OTUD7A: variants seen among roughly 807,000 people sequenced by gnomAD.
OTUD7A encodes the protein OTU domain-containing protein 7A.
In OTUD7A, 12 loss-of-function variants were observed where a neutral mutation model predicts 65.7. That is an observed-to-expected ratio of 0.18 (90% CI 0.12 to 0.30). OTUD7A has a LOEUF of 0.30. OTUD7A is among the 10% of genes least tolerant of loss of function. The pLI is 1.00. For synonymous variants in OTUD7A, 641 were observed against 586.3 expected (o/e 1.09, Z -1.35); for missense variants, 1,148 against 1,304.8 (o/e 0.88, Z 1.85).
intron 1 of OTUD7A, among the ~76,000 whole-genome samples, chr15:31,760,197 T>C (rs898177161): frequency 5.3e-5 from 8 of 152,178 alleles, no homozygotes; most frequent in Admixed American, 3.3e-4. Context: ...TCATCCTTCA[T>C]CCTTCTCTCA....
Position 31,792,403 on chromosome 15 carries a change from A to T in OTUD7A, c.-100+78104T>A, listed in dbSNP as rs546467490. Reference sequence around the variant, plus strand: ...CATACTCCATGGCCAGGCTCACAGGACCTCCACCTGCTCCAGTCCTGCCGC... The same window carrying T: ...CATACTCCATGGCCAGGCTCACAGGTCCTCCACCTGCTCCAGTCCTGCCGC... On this transcript the variant is annotated intron_variant, in intron 1 of 12. Coordinates refer to ENST00000307050, the MANE Select transcript of OTUD7A (RefSeq NM_001382637.1). Among the ~76,000 whole-genome samples, 12 of 151,914 alleles carry T rather than the reference A, an allele frequency of 7.9e-5. 1 individual carries two copies. In the South Asian group the frequency reaches 1.9e-3, roughly 24 times the overall value.
chr15:31,551,040 G>A (rs1888306127), intron 5 of OTUD7A, among the ~76,000 whole-genome samples: 1 of 152,188 alleles, frequency 6.6e-6, no homozygotes, highest in Non-Finnish European at 1.5e-5. Context: ...CAGCCTGCTA[G>A]AGCAGCTGTG....
intron 1 of OTUD7A, among the ~76,000 whole-genome samples, chr15:31,809,818 A>C (rs990070300): frequency 4.6e-5 from 7 of 152,240 alleles, no homozygotes; most frequent in African/African-American, 1.7e-4. Flanking sequence ...TAAATAATAC[A>C]CAAACAAAAG....
intron 3 of OTUD7A, among the ~76,000 whole-genome samples, chr15:31,608,248 GA>G (rs200216223): frequency 4.0e-5 from 6 of 148,718 alleles, no homozygotes; most frequent in South Asian, 2.1e-4. Flanking sequence ...TCTCAAAGAA[GA>G]AAAAAAAAGA....
At chr15:31,729,129 A>C (rs1480846379) in intron 1 of OTUD7A, among the ~76,000 whole-genome samples, 1 of 152,222 alleles carries the variant, frequency 6.6e-6, no homozygotes, top group African/African-American at 2.4e-5. Context: ...CTAATTTATA[A>C]ATTAAACTTT....
intron 1 of OTUD7A, among the ~76,000 whole-genome samples, chr15:31,821,947 C>A (rs549304992): frequency 1.3e-5 from 2 of 152,084 alleles, no homozygotes; most frequent in Non-Finnish European, 2.9e-5. Flanking sequence ...CTTTTCTATT[C>A]GTTATTGAGC....
At chr15:31,517,185 A>G (rs1169417244) in intron 8 of OTUD7A, among the ~76,000 whole-genome samples, 1 of 152,220 alleles carries the variant, frequency 6.6e-6, no homozygotes, top group African/African-American at 2.4e-5. Context: ...GGCACACTGT[A>G]AACGCCTATG....
chr15:31,802,417 G>A lies in OTUD7A; in HGVS notation c.-100+68090C>T, dbSNP rs1435254510. Among the ~76,000 whole-genome samples the A allele has an allele frequency of 2.0e-5, 3 of 152,050 alleles. No individual in the cohort carries two copies. The East Asian group carries it at 5.8e-4, about 29-fold the overall frequency. ...TTAGATTGTGCCCACCCAGATTAAGGGTAGGTCTGCCTTTCCCAGCCCACT... is the reference window on the plus strand; with the variant it reads ...TTAGATTGTGCCCACCCAGATTAAGAGTAGGTCTGCCTTTCCCAGCCCACT... On this transcript the variant is annotated intron_variant, in intron 1 of 12. Transcript: ENST00000307050.
chr15:31,731,776 A>G (rs1193532843), intron 1 of OTUD7A, among the ~76,000 whole-genome samples: 1 of 152,122 alleles, frequency 6.6e-6, no homozygotes, highest in Non-Finnish European at 1.5e-5. Context: ...AGGCTGAGAC[A>G]ATGGAGGAGT....
At chr15:31,744,049 T>C (rs2141375831) in intron 1 of OTUD7A, among the ~76,000 whole-genome samples, 1 of 152,278 alleles carries the variant, frequency 6.6e-6, no homozygotes, top group African/African-American at 2.4e-5. Flanking sequence ...ACTTACTAAA[T>C]GTGACATAAA....
rs1478658392 is a variant in OTUD7A, at chr15:31,559,141, G to A, written c.378C>T (p.Val126=). 7 of 1,614,212 alleles carry A rather than the reference G, an allele frequency of 4.3e-6. No homozygotes were observed. The highest frequency in any genetic ancestry group is 5.1e-6 in the Non-Finnish European group (6 of 1,180,014). ...RGISHASSAI[V]SLARSHVASE... is the part of the protein sequence containing the mutation. Reference sequence around the variant, plus strand: ...TTGCCACGTGGGACCGGGCCAGGGAGACGATGGCTGAGCTGGCGTGGGAAA... The same window carrying A: ...TTGCCACGTGGGACCGGGCCAGGGAAACGATGGCTGAGCTGGCGTGGGAAA... The change falls in exon 5 of 13, where the codon GTC becomes GTT. Residue 126 remains valine (V), a synonymous_variant. Transcript: ENST00000307050.
intron 1 of OTUD7A, among the ~76,000 whole-genome samples, 163 bp from the exon 2 acceptor site, chr15:31,657,240 A>C (rs1405165111): frequency 1.3e-5 from 2 of 152,178 alleles, no homozygotes; most frequent in African/African-American, 2.4e-5. Flanking sequence ...TTACCAGCTG[A>C]CCAGCAACTC....
At chr15:31,610,611 A>T (rs1392269687) in intron 3 of OTUD7A, among the ~76,000 whole-genome samples, 544 of 36,342 alleles carry the variant, frequency 0.015, 7 homozygotes, top group Non-Finnish European at 0.02. Flanking sequence ...ATATATATAT[A>T]TATATATTTT....
chr15:31,742,543 T>A (rs1759507768), intron 1 of OTUD7A, among the ~76,000 whole-genome samples: 1 of 152,152 alleles, frequency 6.6e-6, no homozygotes, highest in Non-Finnish European at 1.5e-5. Context: ...ACATTGTTCA[T>A]ATTTGTAACA....
At chr15:31,729,221 C>T (rs547399517) in intron 1 of OTUD7A, among the ~76,000 whole-genome samples, 7 of 152,214 alleles carry the variant, frequency 4.6e-5, no homozygotes, top group Non-Finnish European at 5.9e-5. Context: ...ACTGGGGTTT[C>T]GGAATGTATT....
chr15:31,570,868 T>C (rs181305563), intron 3 of OTUD7A, among the ~76,000 whole-genome samples: 1 of 152,264 alleles, frequency 6.6e-6, no homozygotes, highest in African/African-American at 2.4e-5. Flanking sequence ...GGAGGCAGCG[T>C]GGGCACTCTG....
At chr15:31,822,606 C>G (rs1043858343) in intron 1 of OTUD7A, among the ~76,000 whole-genome samples, 2 of 152,198 alleles carry the variant, frequency 1.3e-5, no homozygotes, top group African/African-American at 2.4e-5. Flanking sequence ...AATAACCAGA[C>G]AAGCTTCTCT....
Position 31,477,703 on chromosome 15 carries a change from T to C in OTUD7A, c.*5591A>G, listed in dbSNP as rs2041044328. On this transcript the variant is annotated 3_prime_UTR_variant, in exon 13 of 13. Coordinates refer to ENST00000307050, the MANE Select transcript of OTUD7A (RefSeq NM_001382637.1). The stretch of plus-strand genomic sequence containing the variant: ...ATAAATACTTATCCAGTGCCTAATA[T>C]GTGTCAGGCACTGTTGTAGGCACCA... 6.6e-6 allele frequency: 1 copy of C among 152,226 alleles called. No individual in the cohort carries two copies. The highest frequency in any genetic ancestry group is 1.5e-5 in the Non-Finnish European group (1 of 68,044). 9.4% of individuals were successfully genotyped at this position (152,226 alleles called of 1,614,324 possible). A position where few individuals can be genotyped will look rare whatever the true frequency, so the allele number is the denominator to read the frequency against.
intron 1 of OTUD7A, among the ~76,000 whole-genome samples, chr15:31,738,726 T>C (rs575320430): frequency 1.3e-4 from 20 of 152,250 alleles, no homozygotes; most frequent in African/African-American, 4.8e-4. Context: ...ACAATCACAG[T>C]GGCCCCAAAA....
Sources: allele counts gnomAD v4.1 joint callset (sites outside exome capture counted in the v4.1 genomes callset), GRCh38; gene constraint gnomAD v4.1.1; transcripts MANE v1.5; gene names NCBI Gene and HGNC (gene_info 2026-07-23, HGNC 2026-07-21).